RFPL1: variants seen among roughly 807,000 people sequenced by gnomAD.
The protein encoded by RFPL1 is ret finger protein like 1, also known as ret finger protein-like 1.
Under a neutral mutation model 9.6 loss-of-function variants are expected in RFPL1, and 6 were observed. The ratio of observed to expected loss-of-function variants is 0.62; its 90% CI spans 0.34 to 1.23. RFPL1 has a LOEUF of 1.23. Among genes scored for constraint, RFPL1 ranks in the 50% most tolerant of loss-of-function variants. RFPL1 has a pLI of 0.03. For synonymous variants in RFPL1, 145 were observed against 149.4 expected (o/e 0.97, Z 0.22); for missense variants, 352 against 398.4 (o/e 0.88, Z 0.99).
chr22:29,392,915 A>C, the RFPL1 span, among the ~76,000 whole-genome samples: 1 of 152,236 alleles, frequency 6.6e-6, no homozygotes, highest in African/African-American at 2.4e-5. Context: ...AGTTTCATTC[A>C]TTCTCCTAAA....
At chr22:29,421,279 C>A in the RFPL1 span, among the ~76,000 whole-genome samples, 10 of 152,114 alleles carry the variant, frequency 6.6e-5, no homozygotes, top group Admixed American at 1.3e-4. Context: ...CACTAAAAAA[C>A]CCCAACCCCA....
At chr22:29,390,582 T>TTTTATTTATTTA in the RFPL1 span, among the ~76,000 whole-genome samples, 5,480 of 146,890 alleles carry the variant, frequency 0.037, 217 homozygotes, top group African/African-American at 0.089. Context: ...CTTATTCCAT[T>TTTTATTTATTTA]TTTATTTATT....
chr22:29,414,851 G>A, the RFPL1 span, among the ~76,000 whole-genome samples: 1 of 149,896 alleles, frequency 6.7e-6, no homozygotes, highest in Non-Finnish European at 1.5e-5. Context: ...CTTCTGAACT[G>A]GTGAGGTGTG....
the RFPL1 span, among the ~76,000 whole-genome samples, chr22:29,411,541 C>G: frequency 6.6e-6 from 1 of 150,872 alleles, no homozygotes; most frequent in South Asian, 2.1e-4. Flanking sequence ...CTTTAAGAGC[C>G]AGGAATCTGC....
At chr22:29,391,457 C>G in the RFPL1 span, among the ~76,000 whole-genome samples, 1 of 152,104 alleles carries the variant, frequency 6.6e-6, no homozygotes, top group African/African-American at 2.4e-5. Flanking sequence ...ATGCCACCCG[C>G]CTCAGTGGAA....
the RFPL1 span, among the ~76,000 whole-genome samples, chr22:29,388,120 A>G: frequency 6.6e-6 from 1 of 152,186 alleles, no homozygotes; most frequent in Non-Finnish European, 1.5e-5. Context: ...AGGAAATCAG[A>G]GCCCGAAGAG....
At chr22:29,407,172 C>A in the RFPL1 span, among the ~76,000 whole-genome samples, 1,698 of 151,816 alleles carry the variant, frequency 0.011, 14 homozygotes, top group Non-Finnish European at 0.018. Flanking sequence ...CAACTCACTG[C>A]GATCTTGACC....
At chr22:29,394,433 C>T in the RFPL1 span, among the ~76,000 whole-genome samples, 9 of 152,330 alleles carry the variant, frequency 5.9e-5, no homozygotes, top group Middle Eastern at 6.8e-3. Flanking sequence ...ACCTCCACCT[C>T]CTGGGGTCAA....
At chr22:29,395,100 A>C in the RFPL1 span, among the ~76,000 whole-genome samples, 2 of 152,148 alleles carry the variant, frequency 1.3e-5, no homozygotes, top group Non-Finnish European at 2.9e-5. Context: ...GAATGGGTGC[A>C]TAAGTACATG....
chr22:29,410,464 CTATA>C, the RFPL1 span, among the ~76,000 whole-genome samples: 3 of 57,486 alleles, frequency 5.2e-5, no homozygotes, highest in Non-Finnish European at 8.4e-5. Flanking sequence ...ATATATATAT[CTATA>C]TATAGATATA....
the RFPL1 span, among the ~76,000 whole-genome samples, chr22:29,411,682 T>G: frequency 3.2e-4 from 49 of 152,124 alleles, no homozygotes; most frequent in Non-Finnish European, 1.2e-4. Flanking sequence ...GAGCCCACAT[T>G]TGCACCAAAG....
chr22:29,416,353 G>T, the RFPL1 span, among the ~76,000 whole-genome samples: 1 of 152,144 alleles, frequency 6.6e-6, no homozygotes, highest in Non-Finnish European at 1.5e-5. Flanking sequence ...TGCTGCAGGT[G>T]GGGGCTGGGG....
the RFPL1 span, among the ~76,000 whole-genome samples, chr22:29,422,700 G>A: frequency 0.012 from 1,793 of 152,048 alleles, 39 homozygotes; most frequent in African/African-American, 0.041. Flanking sequence ...CCAAGATCGC[G>A]CCACTGCACT....
At chr22:29,422,937 A>G in the RFPL1 span, among the ~76,000 whole-genome samples, 8 of 152,160 alleles carry the variant, frequency 5.3e-5, no homozygotes, top group African/African-American at 1.9e-4. Context: ...TCTGAGCTCT[A>G]AAAGGAGTGG....
chr22:29,412,300 C>T, the RFPL1 span, among the ~76,000 whole-genome samples: 6 of 152,176 alleles, frequency 3.9e-5, no homozygotes, highest in Non-Finnish European at 8.8e-5. Context: ...GGGAATGGTC[C>T]TTCAGTAGAC....
At chr22:29,438,896 A>G (rs530975260) in exon 1 of RFPL1, 5 of 1,613,970 alleles carry the variant, frequency 3.1e-6, no homozygotes, top group South Asian at 1.1e-5. Context: ...CACTCTTCCA[A>G]GAAGCAAGCA....
At chr22:29,432,513 C>T in the RFPL1 span, among the ~76,000 whole-genome samples, 1 of 152,128 alleles carries the variant, frequency 6.6e-6, no homozygotes, top group South Asian at 2.1e-4. Context: ...TCTTCAGGGC[C>T]GAGAGAATTC....
the RFPL1 span, among the ~76,000 whole-genome samples, chr22:29,424,656 T>TA: frequency 1.2e-3 from 149 of 121,804 alleles, no homozygotes; most frequent in East Asian, 7.1e-3. Flanking sequence ...AAGGACAAAG[T>TA]AAAAAAAAAA....
chr22:29,396,768 A>G, the RFPL1 span, among the ~76,000 whole-genome samples: 1 of 150,334 alleles, frequency 6.7e-6, no homozygotes, highest in East Asian at 2.0e-4. Flanking sequence ...CACGTGCACC[A>G]CACCTGGCTA....
Sources: gnomAD v4.1 joint callset for allele counts (sites outside exome capture counted in the v4.1 genomes callset) on GRCh38, gnomAD v4.1.1 for gene constraint, MANE v1.5 for transcripts, NCBI Gene and HGNC (gene_info 2026-07-23, HGNC 2026-07-21) for gene names.